The following FLG variants were observed in gnomAD, a reference collection of about 807,000 sequenced individuals.
FLG encodes epidermal filaggrin.
Under a neutral mutation model 3.8 loss-of-function variants are expected in FLG, and 6 were observed. That is an observed-to-expected ratio of 1.60 (90% CI 0.87 to 3.15). The LOEUF (loss-of-function observed/expected upper bound fraction) is 3.15. Among genes scored for constraint, FLG ranks in the 30% most tolerant of loss-of-function variants. The pLI is 0.00. For synonymous variants in FLG, 2,551 were observed against 1,931.6 expected (o/e 1.32, Z -8.41); for missense variants, 7,595 against 5,050.9 (o/e 1.50, Z -15.27).
chr1:152,319,575 C>T (rs1044441137), intron 1 of FLG, among the ~76,000 whole-genome samples: 1 of 151,294 alleles, frequency 6.6e-6, no homozygotes, highest in African/African-American at 2.4e-5. Flanking sequence ...ATGAGGAAAT[C>T]CTAAGAGCAG....
At position 152,304,814 on chromosome 1, in the gene FLG, G is replaced by A. The variant is rs1433100256; in HGVS notation, c.10072C>T (p.His3358Tyr). ...TGCTGATGGGGCCCAGCCTGTCCAT[G>A]GCCTGACACTGACTGTGTGTCTGAC... ...EESDTQSVSG[H>Y]GQAGPHQQSH... is the part of the protein sequence containing the mutation. Residue 3358 changes from histidine (H) to tyrosine (Y), a missense_variant, in exon 3 of 3, where the codon CAT becomes TAT. Physicochemically the swap from His to Tyr is moderately conservative, Grantham distance 83. Coordinates refer to ENST00000368799, the MANE Select transcript of FLG (RefSeq NM_002016.2). 6.2e-7 allele frequency: 1 copy of A among 1,613,756 alleles called. No individual in the cohort carries two copies. Among genetic ancestry groups the A allele is most frequent in the Non-Finnish European group, 8.5e-7 (1 of 1,179,990 alleles).
chr1:152,311,775 G>T lies in FLG; in HGVS notation c.3111C>A (p.His1037Gln). The part of the protein sequence containing the change: ...SSPGERHGSR[H>Q]QQSADSSRHS... ...GTCTGGAGCTGTCTGCTGACTGCTG[G>T]TGGCGGGATCCGTGTCTTTCTCCTG... Residue 1037 changes from histidine (H) to glutamine (Q), a missense_variant, in exon 3 of 3, where the codon CAC becomes CAA. His to Gln is a conservative substitution (Grantham distance 24, BLOSUM62 0). Coordinates refer to ENST00000368799, the MANE Select transcript of FLG (RefSeq NM_002016.2). 6.2e-7 allele frequency: 1 copy of T among 1,614,106 alleles called. No homozygotes were observed.
Position 152,311,486 on chromosome 1 carries a change from T to C in FLG, c.3400A>G (p.Thr1134Ala), listed in dbSNP as rs140646945. ...HEQSESAHGR[T>A]RTSTGRRQGS... ...TGTCTTCGTCCAGTGCTGGTCCTGG[T>C]CCGCCCATGGGCAGACTCAGACTGT... Residue 1134 changes from threonine (T) to alanine (A), a missense_variant, in exon 3 of 3, where the codon ACC becomes GCC. Transcript: ENST00000368799. The C allele has an allele frequency of 2.1e-4, 338 of 1,613,738 alleles. No individual in the cohort carries two copies. The African/African-American group carries it at 3.8e-3, about 18-fold the overall frequency.
Position 152,302,853 on chromosome 1 carries a change from T to C in FLG, c.12033A>G (p.Arg4011=), listed in dbSNP as rs1272867013. The change falls in exon 3 of 3, where the codon AGA becomes AGG. Residue 4011 remains arginine (R), a synonymous_variant. Transcript: ENST00000368799. ...YNSNPVVFKE[R]SDICKASAFG... ...ACGCACTTGCTTTACAGATATCAGA[T>C]CTTTCCTTGAAAACAACAGGATTGG... 1 of 1,614,200 alleles carries C rather than the reference T, an allele frequency of 6.2e-7. No homozygotes were observed. The highest frequency in any genetic ancestry group is 1.1e-5 in the South Asian group (1 of 91,080).
rs1473501863 is a variant in FLG at position 152,304,095 on chromosome 1, T to C, written c.10791A>G (p.Gln3597=). The C allele has an allele frequency of 1.9e-6, 3 of 1,609,364 alleles. No homozygotes were observed. Among genetic ancestry groups the C allele is most frequent in the Non-Finnish European group, 2.5e-6 (3 of 1,179,446 alleles). ...GHGHSAESSR[Q]SGTHHAENSS... ...AATTCTCTGCATGATGAGTGCCTGA[T>C]TGTCTGGAGCTCTCTGCAGAGTGCC... The change falls in exon 3 of 3, where the codon CAA becomes CAG. Residue 3597 remains glutamine (Q), a synonymous_variant. Transcript: ENST00000368799.
chr1:152,324,547 A>G (rs925489839), intron 1 of FLG, among the ~76,000 whole-genome samples: 1 of 151,932 alleles, frequency 6.6e-6, no homozygotes, highest in African/African-American at 2.4e-5. Flanking sequence ...TCTAATTTAA[A>G]GCACTTTCCT....
rs1452666602 is a variant in FLG, at chr1:152,305,629, C to T, written c.9257G>A (p.Arg3086Lys). ...TGCCTGCTCATGGCGGGATCCTTGT[C>T]TTCCTCTAGTGCTGGGCCCCGTCCA... ...HGWTGPSTRG[R>K]QGSRHEQAQD... The change falls in exon 3 of 3, where the codon AGA becomes AAA. Residue 3086 changes from arginine (R) to lysine (K), a missense_variant. Coordinates refer to ENST00000368799, the MANE Select transcript of FLG (RefSeq NM_002016.2). 1 of 1,487,012 alleles carries T rather than the reference C, an allele frequency of 6.7e-7. No homozygotes were observed. Among genetic ancestry groups the T allele is most frequent in the Non-Finnish European group, 8.9e-7 (1 of 1,121,174 alleles). The allele number at this position is 1,487,012 out of a possible 1,614,324, so 92.1% of individuals were successfully genotyped here.
In FLG at chr1:152,312,907, G is replaced by A. The variant is rs775331217; in HGVS notation, c.1979C>T (p.Pro660Leu). The A allele has an allele frequency of 6.2e-7, 1 of 1,613,878 alleles. No homozygotes were observed. The highest frequency in any genetic ancestry group is 8.5e-7 in the Non-Finnish European group (1 of 1,180,026). The change falls in exon 3 of 3, where the codon CCC (proline) becomes CTC (leucine). Residue 660 changes from proline (P) to leucine (L), a missense_variant. Pro to Leu is a moderately conservative substitution (Grantham distance 98). Transcript: ENST00000368799. ...QEQSRDGSRH[P>L]RSHHEDRAGH... ...AGCTCTGTCTTCGTGATGGGACCTG[G>A]GGTGTCTGGAGCCATCTCTTGACTG...
Position 152,312,996 on chromosome 1 carries a change from G to A in FLG, c.1890C>T (p.His630=), listed in dbSNP as rs757608984. Residue 630 remains histidine (H), a synonymous_variant, in exon 3 of 3, where the codon CAC becomes CAT. Coordinates refer to ENST00000368799, the MANE Select transcript of FLG (RefSeq NM_002016.2). ...CAGACCACCTCTCAGAGTCTTCTGA[G>A]TGTCCCTGACTGTCACTGTCCTGGC... ...SVSQDSDSQG[H]SEDSERWSGS... is the part of the protein sequence containing the mutation. 8 of 1,613,806 alleles carry A rather than the reference G, an allele frequency of 5.0e-6. No individual in the cohort carries two copies. Among genetic ancestry groups the A allele is most frequent in the South Asian group, 1.1e-5 (1 of 91,084 alleles).
rs370996262 is a variant in FLG at position 152,309,274 on chromosome 1, T to G, written c.5612A>C (p.Glu1871Ala). ...CCTGGAGCCGTCTCCTGATTGTTTCTCATTACGTGTTTGTCTGCTGACACT... is the reference window on the plus strand; with the variant it reads ...CCTGGAGCCGTCTCCTGATTGTTTCGCATTACGTGTTTGTCTGCTGACACT... The part of the protein sequence containing the change: ...SRSVSRQTRN[E>A]KQSGDGSRHS... Residue 1871 changes from glutamate (E) to alanine (A), a missense_variant, in exon 3 of 3, where the codon GAG becomes GCG. Transcript: ENST00000368799. The G allele has an allele frequency of 4.3e-6, 7 of 1,613,784 alleles. No homozygotes were observed. In the African/African-American group the frequency reaches 9.4e-5, roughly 22 times the overall value.
At chr1:152,317,150 T>C (rs999827286) in intron 1 of FLG, among the ~76,000 whole-genome samples, 2 of 152,116 alleles carry the variant, frequency 1.3e-5, no homozygotes, top group Admixed American at 6.6e-5. Flanking sequence ...GCCTACTTTC[T>C]CATATGCATC....
rs1327445517 is a variant in FLG at position 152,304,838 on chromosome 1, A to C, written c.10048T>G (p.Ser3350Ala). The C allele has an allele frequency of 1.2e-6, 2 of 1,612,776 alleles. No individual in the cohort carries two copies. The highest frequency in any genetic ancestry group is 1.7e-5 in the Admixed American group (1 of 59,882). Residue 3350 changes from serine (S) to alanine (A), a missense_variant, in exon 3 of 3, where the codon TCA (serine) becomes GCA (alanine). Physicochemically the swap from Ser to Ala is moderately conservative, Grantham distance 99. Coordinates refer to ENST00000368799, the MANE Select transcript of FLG (RefSeq NM_002016.2). ...ASDSEGHSEE[S>A]DTQSVSGHGQ... ...TGGCCTGACACTGACTGTGTGTCTG[A>C]CTCTTCTGAATGTCCCTCACTATCA...
chr1:152,304,822 A>G lies in FLG; in HGVS notation c.10064T>C (p.Val3355Ala), dbSNP rs1463963919. Reference protein sequence around the residue: ...GHSEESDTQSVSGHGQAGPHQ... With the variant: ...GHSEESDTQSASGHGQAGPHQ... ...GGGCCCAGCCTGTCCATGGCCTGAC[A>G]CTGACTGTGTGTCTGACTCTTCTGA... Residue 3355 changes from valine to alanine, a missense_variant, in exon 3 of 3, where the codon GTG becomes GCG. Coordinates refer to ENST00000368799, the MANE Select transcript of FLG (RefSeq NM_002016.2). 1 of 1,613,638 alleles carries G rather than the reference A, an allele frequency of 6.2e-7. No individual in the cohort carries two copies. Among genetic ancestry groups the G allele is most frequent in the Non-Finnish European group, 8.5e-7 (1 of 1,179,940 alleles).
Position 152,305,484 on chromosome 1 carries a change from T to C in FLG, c.9402A>G (p.Gly3134=), listed in dbSNP as rs2101638135. Residue 3134 remains glycine, a synonymous_variant, in exon 3 of 3, where the codon GGA becomes GGG. Coordinates refer to ENST00000368799, the MANE Select transcript of FLG (RefSeq NM_002016.2). ...YHHEHSVDSS[G]HSGSHHSHTT... is the part of the protein sequence containing the mutation. ...TGTGGCTGTGATGGGACCCTGAGTG[T>C]CCAGAGCTATCTACCGAATGCTCGT... The C allele has an allele frequency of 6.3e-7, 1 of 1,579,792 alleles. No homozygotes were observed. Among genetic ancestry groups the C allele is most frequent in the East Asian group, 2.3e-5 (1 of 42,606 alleles).
In FLG at chr1:152,312,128, C is replaced by A; in HGVS notation, c.2758G>T (p.Ala920Ser). ...GSRHHEASSH[A>S]DISRHSQAGQ... The stretch of plus-strand genomic sequence containing the variant: ...GCCTGTGAGTGTCTAGAGATGTCGG[C>A]ATGAGAGGAAGCTTCATGGTGACGT... Residue 920 changes from alanine to serine, a missense_variant, in exon 3 of 3, where the codon GCC (alanine) becomes TCC (serine). Transcript: ENST00000368799. 2 of 1,614,080 alleles carry A rather than the reference C, an allele frequency of 1.2e-6. No homozygotes were observed. The highest frequency in any genetic ancestry group is 1.7e-6 in the Non-Finnish European group (2 of 1,180,024).
intron 1 of FLG, among the ~76,000 whole-genome samples, chr1:152,322,151 T>A (rs1025957157): frequency 2.0e-5 from 3 of 151,128 alleles, no homozygotes; most frequent in African/African-American, 7.3e-5. Context: ...TATTTAATGG[T>A]GAAATGAAAG....
In FLG at chr1:152,314,587, T is replaced by C. The variant is rs775791704; in HGVS notation, c.299A>G (p.Lys100Arg). Residue 100 changes from lysine to arginine, a missense_variant, in exon 3 of 3, where the codon AAG (lysine) becomes AGG (arginine). Transcript: ENST00000368799. ...ATCATGATGACTGTGCTTTCTGTGC[T>C]TGTGTCCTGATATCGGTAAATTCTC... Reference protein sequence around the residue: ...RKENLPISGHKHRKHSHHDKH... With the variant: ...RKENLPISGHRHRKHSHHDKH... 6.2e-7 allele frequency: 1 copy of C among 1,614,000 alleles called. No homozygotes were observed. The highest frequency in any genetic ancestry group is 8.5e-7 in the Non-Finnish European group (1 of 1,179,930).
In FLG at chr1:152,314,638, T is replaced by C. The variant is rs1187386591; in HGVS notation, c.248A>G (p.Gln83Arg). Residue 83 changes from glutamine (Q) to arginine (R), a missense_variant, in exon 3 of 3, where the codon CAA becomes CGA. Gln to Arg is a conservative substitution (Grantham distance 43, BLOSUM62 1). Transcript: ENST00000368799. ...EFLLMVFKLA[Q>R]AYYESTRKEN... ...TTTTCTGGTAGACTCATAATATGCT[T>C]GAGCCAACTTGAATACCATCAGAAG... 5 of 1,614,146 alleles carry C rather than the reference T, an allele frequency of 3.1e-6. No individual in the cohort carries two copies. The highest frequency in any genetic ancestry group is 4.2e-6 in the Non-Finnish European group (5 of 1,180,004).
rs1651966386 is a variant in FLG, at chr1:152,306,347, A to T, written c.8539T>A (p.Ser2847Thr). The T allele has an allele frequency of 6.2e-7, 1 of 1,601,492 alleles. No homozygotes were observed. The highest frequency in any genetic ancestry group is 1.7e-5 in the Admixed American group (1 of 59,826). The change falls in exon 3 of 3, where the codon TCA becomes ACA. Residue 2847 changes from serine (S) to threonine (T), a missense_variant. By Grantham distance (58) the Ser-to-Thr change is moderately conservative (BLOSUM62 1). Transcript: ENST00000368799. ...CCTGAGTGCCTGGAGCCGTCTCCTG[A>T]TTGTTCCTCATTACGTGTTGTTCTG... The part of the protein sequence containing the change: ...ASRTTRNEEQ[S>T]GDGSRHSGSR...
Sources: allele counts gnomAD v4.1 joint callset (sites outside exome capture counted in the v4.1 genomes callset), GRCh38; gene constraint gnomAD v4.1.1; transcripts MANE v1.5; gene names NCBI Gene and HGNC (gene_info 2026-07-23, HGNC 2026-07-21).